Variants in RPH3A observed in about 807,000 individuals in gnomAD.
The protein encoded by RPH3A is rabphilin-3A.
A neutral mutation model predicts 102.2 loss-of-function variants in RPH3A; 48 were observed. The observed-to-expected ratio is 0.47, with a 90% CI of 0.37 to 0.60. RPH3A has a LOEUF of 0.60. RPH3A is among the 20% of genes least tolerant of loss of function. RPH3A has a pLI of 0.00. For synonymous variants in RPH3A, 310 were observed against 324.3 expected (o/e 0.96, Z 0.47); for missense variants, 781 against 910.1 (o/e 0.86, Z 1.83).
At chr12:112,595,122 G>C (rs1284409505) in intron 1 of RPH3A, among the ~76,000 whole-genome samples, 1 of 151,418 alleles carries the variant, frequency 6.6e-6, no homozygotes, top group African/African-American at 2.4e-5. Context: ...TCACCTCTCT[G>C]TGCTTCCATT....
chr12:112,665,398 A>G (rs142597565), intron 1 of RPH3A, among the ~76,000 whole-genome samples: 2 of 152,298 alleles, frequency 1.3e-5, no homozygotes, highest in East Asian at 3.9e-4. Context: ...ATATTGTCCT[A>G]CTGACTTTCA....
intron 10 of RPH3A, chr12:112,874,827 C>T (rs989638016): frequency 5.0e-5 from 23 of 460,626 alleles, no homozygotes; most frequent in African/African-American, 7.9e-5. Flanking sequence ...ACTTGAGCAA[C>T]GTCACACAGG....
At chr12:112,712,873 C>T (rs1380423002) in intron 1 of RPH3A, among the ~76,000 whole-genome samples, 13 of 148,216 alleles carry the variant, frequency 8.8e-5, no homozygotes, top group African/African-American at 3.4e-4. Flanking sequence ...ACCCAGCTCA[C>T]TTTTTTTTCT....
intron 1 of RPH3A, among the ~76,000 whole-genome samples, chr12:112,723,594 C>A (rs925434276): frequency 6.6e-6 from 1 of 152,110 alleles, no homozygotes; most frequent in South Asian, 2.1e-4. Flanking sequence ...TGTATGGGTC[C>A]CATGGAGTTA....
intron 13 of RPH3A, among the ~76,000 whole-genome samples, chr12:112,878,700 C>T (rs1264772353): frequency 6.6e-6 from 1 of 152,200 alleles, no homozygotes; most frequent in Non-Finnish European, 1.5e-5. Context: ...CGAGAAGGTG[C>T]CAACCATGTA....
intron 1 of RPH3A, among the ~76,000 whole-genome samples, chr12:112,585,508 G>A (rs993504396): frequency 1.3e-5 from 2 of 152,188 alleles, no homozygotes; most frequent in African/African-American, 4.8e-5. Context: ...TTCGAGACAG[G>A]TGGATCACTT....
chr12:112,628,071 G>A (rs558135568), intron 1 of RPH3A, among the ~76,000 whole-genome samples: 144 of 152,218 alleles, frequency 9.5e-4, no homozygotes, highest in African/African-American at 3.4e-3. Flanking sequence ...AACGGCAAGA[G>A]GGAAATTCAC....
At chr12:112,706,948 G>C (rs2040430980) in intron 1 of RPH3A, among the ~76,000 whole-genome samples, 1 of 152,106 alleles carries the variant, frequency 6.6e-6, no homozygotes, top group Non-Finnish European at 1.5e-5. Flanking sequence ...TGCAACACCT[G>C]GTTTCTCCGG....
At chr12:112,728,778 C>G (rs1017834364) in intron 1 of RPH3A, among the ~76,000 whole-genome samples, 1 of 152,242 alleles carries the variant, frequency 6.6e-6, no homozygotes, top group East Asian at 1.9e-4. Flanking sequence ...AATTGAGAAG[C>G]AGGAGCATGG....
chr12:112,696,564 G>T (rs1405988464), intron 1 of RPH3A, among the ~76,000 whole-genome samples: 1 of 152,106 alleles, frequency 6.6e-6, no homozygotes, highest in Non-Finnish European at 1.5e-5. Context: ...TAGGTTGTGT[G>T]CCTTCTCATC....
intron 14 of RPH3A, among the ~76,000 whole-genome samples, chr12:112,879,510 G>T (rs1004093759): frequency 6.6e-6 from 1 of 152,222 alleles, no homozygotes; most frequent in Non-Finnish European, 1.5e-5. Flanking sequence ...TGGAGGTTCT[G>T]CCCAGGAGGA....
intron 2 of RPH3A, among the ~76,000 whole-genome samples, chr12:112,798,833 A>C: frequency 6.8e-6 from 1 of 147,022 alleles, no homozygotes; most frequent in African/African-American, 2.5e-5. Context: ...TTTTCTCCCC[A>C]TCTTTCCCTC....
intron 3 of RPH3A, chr12:112,831,960 T>C (rs1030774569): frequency 7.9e-6 from 2 of 252,834 alleles, no homozygotes; most frequent in African/African-American, 4.7e-5. Context: ...AGTGGATTCA[T>C]GTTTTTCAGC....
intron 4 of RPH3A, among the ~76,000 whole-genome samples, chr12:112,840,770 C>T (rs762036496): frequency 3.9e-5 from 6 of 152,024 alleles, no homozygotes; most frequent in Admixed American, 6.6e-5. Context: ...AGGTGTATTT[C>T]GGGTAGGGGC....
chr12:112,710,734 C>T (rs1044309661), intron 1 of RPH3A, among the ~76,000 whole-genome samples: 2 of 152,182 alleles, frequency 1.3e-5, no homozygotes, highest in Non-Finnish European at 2.9e-5. Context: ...TTATAAATTA[C>T]ATATTATGTT....
chr12:112,723,504 C>A (rs763193502), intron 1 of RPH3A, among the ~76,000 whole-genome samples: 1 of 152,186 alleles, frequency 6.6e-6, no homozygotes, highest in Non-Finnish European at 1.5e-5. Context: ...AGATACATAT[C>A]CTGCAACTCG....
At chr12:112,671,555 T>G (rs2040130322) in intron 1 of RPH3A, among the ~76,000 whole-genome samples, 1 of 152,116 alleles carries the variant, frequency 6.6e-6, no homozygotes, top group African/African-American at 2.4e-5. Context: ...CTACAGCTAG[T>G]TCGGGTGGCT....
intron 1 of RPH3A, among the ~76,000 whole-genome samples, chr12:112,774,733 C>T (rs2040953561): frequency 6.6e-6 from 1 of 151,680 alleles, no homozygotes; most frequent in Middle Eastern, 3.4e-3. Flanking sequence ...ACAACGAGAA[C>T]ACATGGACAC....
At chr12:112,734,642 C>A (rs1402678448) in intron 1 of RPH3A, among the ~76,000 whole-genome samples, 3 of 152,164 alleles carry the variant, frequency 2.0e-5, no homozygotes, top group Non-Finnish European at 4.4e-5. Context: ...ATATTTATTT[C>A]TTGATCATAT....
Sources: allele counts gnomAD v4.1 joint callset (sites outside exome capture counted in the v4.1 genomes callset), GRCh38; gene constraint gnomAD v4.1.1; transcripts MANE v1.5; gene names NCBI Gene and HGNC (gene_info 2026-07-23, HGNC 2026-07-21).